Variants in SCARA3 observed in about 807,000 individuals in gnomAD.
SCARA3 encodes the protein scavenger receptor class A member 3.
In SCARA3, 39 loss-of-function variants were observed where a neutral mutation model predicts 47.0. That is an observed-to-expected ratio of 0.83 (90% CI 0.64 to 1.08). The LOEUF (loss-of-function observed/expected upper bound fraction) is 1.08, where lower values mean the gene tolerates loss of function less well. Ranked by LOEUF, SCARA3 falls within the 50% of genes least tolerant of loss-of-function variation. The pLI, the probability that SCARA3 is intolerant of heterozygous loss-of-function variation, is 0.00. For missense variants in SCARA3, 724 were observed against 792.3 expected, an observed-to-expected ratio of 0.91 and a Z score of 1.04; for synonymous variants, 356 against 334.1, an observed-to-expected ratio of 1.07 and a Z score of -0.71.
intron 5 of SCARA3, among the ~76,000 whole-genome samples, chr8:27,660,543 A>T (rs1480371460): frequency 6.6e-6 from 1 of 151,770 alleles, no homozygotes; most frequent in Admixed American, 6.6e-5. Flanking sequence ...AGATAGATAG[A>T]TAGATAGATA....
At chr8:27,649,571 C>T (rs1801585698) in intron 1 of SCARA3, 131 bp from the exon 2 acceptor site, 2 of 831,192 alleles carry the variant, frequency 2.4e-6, no homozygotes, top group East Asian at 2.6e-5. Context: ...CAGCTTACAT[C>T]AGGCCACCTG....
chr8:27,716,707 T>C, the SCARA3 span, among the ~76,000 whole-genome samples: 5 of 152,156 alleles, frequency 3.3e-5, no homozygotes, highest in Admixed American at 3.3e-4. Flanking sequence ...GAAAAATCAA[T>C]GGATGCTAAA....
the SCARA3 span, among the ~76,000 whole-genome samples, chr8:27,732,963 C>T: frequency 3.3e-5 from 5 of 152,184 alleles, no homozygotes; most frequent in African/African-American, 9.7e-5. Flanking sequence ...TCCATGAAAC[C>T]GCCCAGGAAG....
rs1802179513 is a variant in SCARA3, at chr8:27,672,069, G to C, written c.*718G>C. 5.1e-6 allele frequency: 5 copies of C among 985,324 alleles called. No individual in the cohort carries two copies. Among genetic ancestry groups the C allele is most frequent in the Non-Finnish European group, 6.0e-6 (5 of 829,960 alleles). The allele number at this position is 985,324 out of a possible 1,614,324, so 61.0% of individuals were successfully genotyped here. On this transcript the variant is annotated 3_prime_UTR_variant, in exon 6 of 6. Transcript: ENST00000301904. ...GGGGCGTTACTGCCAAAACTCCAGA[G>C]GCAAAGTGGACCTGGCAACCACAAG...
At chr8:27,686,610 G>A in the SCARA3 span, among the ~76,000 whole-genome samples, 3 of 152,066 alleles carry the variant, frequency 2.0e-5, no homozygotes, top group Non-Finnish European at 2.9e-5. Flanking sequence ...CATCTACACC[G>A]CACCTCCCTG....
intron 1 of SCARA3, 32 bp downstream of exon 1, chr8:27,634,239 G>A: frequency 1.5e-6 from 2 of 1,338,140 alleles, no homozygotes; most frequent in Admixed American, 3.1e-5. Context: ...CAGCTCCGAG[G>A]GGGGCCGCCT....
In SCARA3 at chr8:27,666,979, G is replaced by T. The variant is rs552797159; in HGVS notation, c.1370-3921G>T. Among the ~76,000 whole-genome samples the T allele has an allele frequency of 3.9e-5, 6 of 152,320 alleles. No individual in the cohort carries two copies. In the South Asian group the frequency reaches 1.2e-3, roughly 32 times the overall value. On this transcript the variant is annotated intron_variant, in intron 5 of 5. Coordinates refer to ENST00000301904, the MANE Select transcript of SCARA3 (RefSeq NM_016240.3). Reference sequence around the variant, plus strand: ...GCCCCCCTCCACCGGACTCCAGGGTGTGCCGGTCCCTCTCCTTCCCACGCA... The same window carrying T: ...GCCCCCCTCCACCGGACTCCAGGGTTTGCCGGTCCCTCTCCTTCCCACGCA...
intron 3 of SCARA3, among the ~76,000 whole-genome samples, chr8:27,652,668 T>C (rs1801657710): frequency 1.3e-5 from 2 of 152,172 alleles, no homozygotes; most frequent in South Asian, 4.1e-4. Flanking sequence ...CTTCCAGTAA[T>C]CCGAAGGCAT....
chr8:27,702,840 A>T, the SCARA3 span: 1 of 152,252 alleles, frequency 6.6e-6, no homozygotes, highest in South Asian at 2.1e-4. Flanking sequence ...GGAAAGGCCG[A>T]ATCGCCTCAT....
chr8:27,671,873 G>A lies in SCARA3; in HGVS notation c.*522G>A. The stretch of plus-strand genomic sequence containing the variant: ...CCAGGTGGGCCAACTGGGTTTCCCT[G>A]GCTGGGCAGGAGGAGAGGGCAGAGG... On this transcript the variant is annotated 3_prime_UTR_variant, in exon 6 of 6. Coordinates refer to ENST00000301904, the MANE Select transcript of SCARA3 (RefSeq NM_016240.3). 1.0e-6 allele frequency: 1 copy of A among 985,478 alleles called. No individual in the cohort carries two copies. The highest frequency in any genetic ancestry group is 4.7e-5 in the South Asian group (1 of 21,288). 61.0% of individuals were successfully genotyped at this position (985,478 alleles called of 1,614,324 possible). A position where few individuals can be genotyped will look rare whatever the true frequency, so the allele number is the denominator to read the frequency against.
chr8:27,649,883 C>A, intron 2 of SCARA3, 83 bp downstream of exon 2: 1 of 1,258,970 alleles, frequency 7.9e-7, no homozygotes, highest in East Asian at 2.4e-5. Context: ...AGAGATTTGT[C>A]TCTTTAGGTG....
At chr8:27,715,825 G>GATAA in the SCARA3 span, among the ~76,000 whole-genome samples, 1 of 11,368 alleles carries the variant, frequency 8.8e-5, no homozygotes, top group Non-Finnish European at 2.4e-4. The surrounding 1 kb of genome is among the most constrained non-coding windows in gnomAD (Gnocchi z 4.2). Context: ...ATAGATAGAT[G>GATAA]ATAGATAGAT....
the SCARA3 span, among the ~76,000 whole-genome samples, chr8:27,696,860 A>G: frequency 1.3e-5 from 2 of 152,216 alleles, no homozygotes; most frequent in Non-Finnish European, 2.9e-5. Flanking sequence ...GACAGAAAGT[A>G]GATTAGTCAT....
At chr8:27,660,562 AT>A (rs1563410101) in intron 5 of SCARA3, among the ~76,000 whole-genome samples, 1 of 141,682 alleles carries the variant, frequency 7.1e-6, no homozygotes, top group Non-Finnish European at 1.5e-5. Flanking sequence ...TAGATAGATA[AT>A]AGATAGATAG....
chr8:27,705,918 G>A, the SCARA3 span, among the ~76,000 whole-genome samples: 1 of 152,154 alleles, frequency 6.6e-6, no homozygotes, highest in Admixed American at 6.5e-5. Flanking sequence ...AAAAAGCAAT[G>A]TGTGCACAGA....
chr8:27,652,341 T>A (rs1213142323), intron 3 of SCARA3, among the ~76,000 whole-genome samples: 1 of 152,198 alleles, frequency 6.6e-6, no homozygotes, highest in African/African-American at 2.4e-5. Context: ...TACAACAAAT[T>A]TGATGTTTGT....
chr8:27,710,680 C>T, the SCARA3 span, among the ~76,000 whole-genome samples: 4 of 152,162 alleles, frequency 2.6e-5, no homozygotes, highest in Admixed American at 1.3e-4. Flanking sequence ...ATCACCTTTA[C>T]TTGATGTCTC....
the SCARA3 span, among the ~76,000 whole-genome samples, chr8:27,728,773 C>T: frequency 2.6e-5 from 4 of 152,262 alleles, no homozygotes; most frequent in East Asian, 7.7e-4. Context: ...CCTGTAATCC[C>T]AACACTTTGG....
downstream of SCARA3, among the ~76,000 whole-genome samples, chr8:27,675,715 G>C (rs1348299428): frequency 6.6e-6 from 1 of 152,160 alleles, no homozygotes; most frequent in Non-Finnish European, 1.5e-5. Flanking sequence ...GCTTGAACCT[G>C]GGAAGTGGAG....
Sources: gnomAD v4.1 joint callset for allele counts (sites outside exome capture counted in the v4.1 genomes callset) on GRCh38, gnomAD v4.1.1 for gene constraint, Gnocchi (gnomAD v3.1) non-coding constraint, MANE v1.5 for transcripts, NCBI Gene and HGNC (gene_info 2026-07-23, HGNC 2026-07-21) for gene names.